PLXNB1: variants seen among roughly 807,000 people sequenced by gnomAD.
PLXNB1 encodes the protein plexin B1.
A neutral mutation model predicts 209.4 loss-of-function variants in PLXNB1; 106 were observed. The ratio of observed to expected loss-of-function variants is 0.51; its 90% CI spans 0.43 to 0.59. The LOEUF (loss-of-function observed/expected upper bound fraction) is 0.59, where lower values mean the gene tolerates loss of function less well. Ranked by LOEUF, PLXNB1 falls within the 20% of genes least tolerant of loss-of-function variation. PLXNB1 has a pLI of 0.00. For synonymous variants in PLXNB1, 1,167 were observed against 1,183.2 expected (o/e 0.99, Z 0.28); for missense variants, 2,357 against 2,853.2 (o/e 0.83, Z 3.96).
Position 48,416,137 on chromosome 3 carries a change from G to A in PLXNB1, c.3511C>T (p.Arg1171Cys), listed in dbSNP as rs566496549. The A allele has an allele frequency of 2.1e-5, 34 of 1,598,124 alleles. No homozygotes were observed. Among genetic ancestry groups the A allele is most frequent in the African/African-American group, 1.6e-4 (12 of 74,656 alleles). Residue 1171 changes from arginine (R) to cysteine (C), a missense_variant, in exon 18 of 38, where the codon CGC becomes TGC. This residue lies in a region of PLXNB1 where 743 missense variants were observed against 896.2 expected (regional missense o/e 0.83). Transcript: ENST00000296440. This position sits in a 1 kb window ranked among gnomAD's most constrained non-coding sequence, Gnocchi z 4.1. The part of the protein sequence containing the change: ...DPKVHSIFPA[R>C]GPRAGGTRLT... ...CGGGTGCCCCCAGCTCTGGGGCCGC[G>A]GGCCGGGAAGATGGAATGGACCTTC...
In PLXNB1 at chr3:48,412,003, C is replaced by T. The variant is rs770418417; in HGVS notation, c.5107G>A (p.Val1703Ile). ...ICLYTFVRDS[V>I]GEPLYMLFRG... is the part of the protein sequence containing the mutation. ...AAGAGCATGTACAGAGGCTCCCCTA[C>T]GGAGTCCTAGGAGAGCACAGGCAGT... Residue 1703 changes from valine (V) to isoleucine (I), a missense_variant, in exon 28 of 38, where the codon GTA becomes ATA. Coordinates refer to ENST00000296440, the MANE Select transcript of PLXNB1 (RefSeq NM_001130082.3). The T allele has an allele frequency of 1.9e-5, 31 of 1,613,794 alleles. No individual in the cohort carries two copies. In the East Asian group the frequency reaches 2.2e-4, roughly 12 times the overall value.
Position 48,423,495 on chromosome 3 carries a change from T to TG in PLXNB1, c.1107+9dup. On this transcript the variant is annotated intron_variant, in intron 3 of 37. Transcript: ENST00000296440. ...GAGAGGCGGAAAAGTGGGGCAATAC[T>TG]GGAACTCACCACTGGCAGCTGTGCA... The TG allele has an allele frequency of 6.2e-7, 1 of 1,607,994 alleles. No homozygotes were observed. The highest frequency in any genetic ancestry group is 8.5e-7 in the Non-Finnish European group (1 of 1,175,150).
In PLXNB1 at chr3:48,410,806, G is replaced by T; in HGVS notation, c.5416+62C>A. ...AGTGATGAGTTGTCCCTGCAGAGTT[G>T]GTCCGGGGCCAGCCCAGGCCCAACA... is the stretch of plus-strand genomic sequence containing the variant. On this transcript the variant is annotated intron_variant, in intron 29 of 37. Coordinates refer to ENST00000296440, the MANE Select transcript of PLXNB1 (RefSeq NM_001130082.3). This position sits in a 1 kb window ranked among gnomAD's most constrained non-coding sequence, Gnocchi z 6.4. The T allele has an allele frequency of 6.7e-7, 1 of 1,490,280 alleles. No individual in the cohort carries two copies. The allele number at this position is 1,490,280 out of a possible 1,614,324, so 92.3% of individuals were successfully genotyped here. A position where few individuals can be genotyped will look rare whatever the true frequency, so the allele number is the denominator to read the frequency against.
rs1436084961 is a variant in PLXNB1 at position 48,415,071 on chromosome 3, G to A, written c.3967-30C>T. 5.0e-6 allele frequency: 8 copies of A among 1,609,702 alleles called. No individual in the cohort carries two copies. Among genetic ancestry groups the A allele is most frequent in the African/African-American group, 1.3e-5 (1 of 74,878 alleles). Reference sequence around the variant, plus strand: ...AAGGAAGACAGGCAGGTTGACGAGGGGCCAAGCAAAGATGGGAAGAGCCTC... The same window carrying A: ...AAGGAAGACAGGCAGGTTGACGAGGAGCCAAGCAAAGATGGGAAGAGCCTC... On this transcript the variant is annotated intron_variant, in intron 20 of 37. Transcript: ENST00000296440. The surrounding 1 kb of genome is among the most constrained non-coding windows in gnomAD (Gnocchi z 5.0).
Position 48,405,697 on chromosome 3 carries a change from C to T in PLXNB1, c.6303+27G>A, listed in dbSNP as rs1483117948. 2 of 1,596,438 alleles carry T rather than the reference C, an allele frequency of 1.3e-6. No individual in the cohort carries two copies. Among genetic ancestry groups the T allele is most frequent in the Admixed American group, 1.7e-5 (1 of 59,782 alleles). Reference sequence around the variant, plus strand: ...CTCCTGGGAGGCCTTGGGTCAGCCTCCCAGTCGGGGTCCAGGGCCTGCCCA... The same window carrying T: ...CTCCTGGGAGGCCTTGGGTCAGCCTTCCAGTCGGGGTCCAGGGCCTGCCCA... On this transcript the variant is annotated intron_variant, in intron 37 of 37. Transcript: ENST00000296440. This position sits in a 1 kb window ranked among gnomAD's most constrained non-coding sequence, Gnocchi z 5.0.
In PLXNB1 at chr3:48,416,609, T is replaced by C. The variant is rs2038118994; in HGVS notation, c.3375-158A>G. 2 of 508,164 alleles carry C rather than the reference T, an allele frequency of 3.9e-6. No homozygotes were observed. Among genetic ancestry groups the C allele is most frequent in the Non-Finnish European group, 6.9e-6 (2 of 289,698 alleles). 31.5% of individuals were successfully genotyped at this position (508,164 alleles called of 1,614,324 possible). On this transcript the variant is annotated intron_variant, in intron 16 of 37. Transcript: ENST00000296440. This position sits in a 1 kb window ranked among gnomAD's most constrained non-coding sequence, Gnocchi z 4.1. ...CTCTCTCACTTTGGAGGGAATTCTT[T>C]ATGACACATCAGAAGGCCTTGGTAT...
At position 48,407,083 on chromosome 3, in the gene PLXNB1, C is replaced by T. The variant is rs755753973; in HGVS notation, c.6096G>A (p.Pro2032=). Residue 2032 remains proline (P), a synonymous_variant, in exon 35 of 38, where the codon CCG becomes CCA. Coordinates refer to ENST00000296440, the MANE Select transcript of PLXNB1 (RefSeq NM_001130082.3). The stretch of plus-strand genomic sequence containing the variant: ...CCCGTGCATACAGAAGTTTGTTGAT[C>T]GGGGAGTCCTGGACATAGCAGGAGG... ...LADHKLGRDS[P]INKLLYARDI... is the part of the protein sequence containing the mutation. 6.8e-6 allele frequency: 11 copies of T among 1,613,834 alleles called. No homozygotes were observed. Among genetic ancestry groups the T allele is most frequent in the Non-Finnish European group, 9.3e-6 (11 of 1,179,958 alleles).
intron 21 of PLXNB1, among the ~76,000 whole-genome samples, 190 bp downstream of exon 21, chr3:48,414,609 C>A (rs2037944708): frequency 6.6e-6 from 1 of 152,212 alleles, no homozygotes; most frequent in Non-Finnish European, 1.5e-5. Flanking sequence ...GCCAAGCAGT[C>A]CAGCTCGTGC....
rs2039106949 is a variant in PLXNB1 at position 48,429,895 on chromosome 3, T to A, written c.-60+113A>T. ...CGTCCAGAGCCGGGTAGCACCCGAG[T>A]CCCTCACCAGCCCGACCCGTTCTTC... is the stretch of plus-strand genomic sequence containing the variant. On this transcript the variant is annotated intron_variant, in intron 1 of 37. Transcript: ENST00000296440. This position sits in a 1 kb window ranked among gnomAD's most constrained non-coding sequence, Gnocchi z 6.4. The A allele has an allele frequency of 6.6e-6, 1 of 150,908 alleles. No homozygotes were observed. Among genetic ancestry groups the A allele is most frequent in the African/African-American group, 2.4e-5 (1 of 40,844 alleles). 9.3% of individuals were successfully genotyped at this position (150,908 alleles called of 1,614,324 possible). A position where few individuals can be genotyped will look rare whatever the true frequency, so the allele number is the denominator to read the frequency against.
rs1040356610 is a variant in PLXNB1, at chr3:48,405,924, C to A, written c.6229-126G>T. The A allele has an allele frequency of 8.3e-6, 6 of 725,252 alleles. No homozygotes were observed. The highest frequency in any genetic ancestry group is 1.2e-5 in the Non-Finnish European group (5 of 417,130). The allele number at this position is 725,252 out of a possible 1,614,324, so 44.9% of individuals were successfully genotyped here. On this transcript the variant is annotated intron_variant, in intron 36 of 37. Transcript: ENST00000296440. The surrounding 1 kb of genome is among the most constrained non-coding windows in gnomAD (Gnocchi z 5.0). ...TGAGAGGTAGAGAATGGGATGGGCACTACAGTGGGAAGCAGAGTCCCCTCC... is the reference window on the plus strand; with the variant it reads ...TGAGAGGTAGAGAATGGGATGGGCAATACAGTGGGAAGCAGAGTCCCCTCC...
At position 48,418,385 on chromosome 3, in the gene PLXNB1, G is replaced by A. The variant is rs777912250; in HGVS notation, c.3050-22C>T. 10 of 1,613,568 alleles carry A rather than the reference G, an allele frequency of 6.2e-6. No individual in the cohort carries two copies. The highest frequency in any genetic ancestry group is 8.5e-6 in the Non-Finnish European group (10 of 1,179,994). On this transcript the variant is annotated intron_variant, in intron 14 of 37. Coordinates refer to ENST00000296440, the MANE Select transcript of PLXNB1 (RefSeq NM_001130082.3). This position sits in a 1 kb window ranked among gnomAD's most constrained non-coding sequence, Gnocchi z 6.6. ...ACCACTGGGGGTGGCAGAGACACAC[G>A]TGAGAGGCAGGCCTGGGAGAGCCCT... is the stretch of plus-strand genomic sequence containing the variant.
At chr3:48,407,522 AG>A (rs1470395326) in intron 34 of PLXNB1, among the ~76,000 whole-genome samples, 1 of 152,188 alleles carries the variant, frequency 6.6e-6, no homozygotes, top group African/African-American at 2.4e-5. Flanking sequence ...AGGTCTGTCC[AG>A]TTTCCACCAC....
Position 48,409,441 on chromosome 3 carries a change from T to G in PLXNB1, c.5975A>C (p.Asn1992Thr), listed in dbSNP as rs771953305. The change falls in exon 34 of 38, where the codon AAC (asparagine) becomes ACC (threonine). Residue 1992 changes from asparagine (N) to threonine (T), a missense_variant. Physicochemically the swap from Asn to Thr is moderately conservative, Grantham distance 65. Around this residue, in one of 7 missense-constraint regions of PLXNB1, gnomAD observed 414 missense variants for 520.5 expected, o/e 0.80. Transcript: ENST00000296440. This position sits in a 1 kb window ranked among gnomAD's most constrained non-coding sequence, Gnocchi z 5.8. ...PLRFWINIIKNPQFVFDVQTS... is the reference protein window; with the variant it reads ...PLRFWINIIKTPQFVFDVQTS... The stretch of plus-strand genomic sequence containing the variant: ...TTGCACGTCGAACACAAACTGCGGG[T>G]TTTTTATTATATTGATCCAGAACCT... 1.2e-6 allele frequency: 2 copies of G among 1,613,938 alleles called. No individual in the cohort carries two copies. The highest frequency in any genetic ancestry group is 1.7e-5 in the Admixed American group (1 of 59,996).
intron 1 of PLXNB1, among the ~76,000 whole-genome samples, chr3:48,428,288 T>C (rs919837527): frequency 3.9e-5 from 6 of 151,968 alleles, no homozygotes. Context: ...AGACCTCACA[T>C]CCCCAACTTA....
At position 48,410,028 on chromosome 3, in the gene PLXNB1, G is replaced by C; in HGVS notation, c.5655C>G (p.His1885Gln). Reference sequence around the variant, plus strand: ...CCGGCTCATCACTTGGCTTCACCAGGTGCCAGGGCCGGATGCCCCCCTCAT... The same window carrying C: ...CCGGCTCATCACTTGGCTTCACCAGCTGCCAGGGCCGGATGCCCCCCTCAT... ...DVDEGGIRPW[H>Q]LVKPSDEPEP... Residue 1885 changes from histidine (H) to glutamine (Q), a missense_variant, in exon 32 of 38, where the codon CAC (histidine) becomes CAG (glutamine). Physicochemically the swap from His to Gln is conservative, Grantham distance 24. Transcript: ENST00000296440. This position sits in a 1 kb window ranked among gnomAD's most constrained non-coding sequence, Gnocchi z 6.4. 6.2e-7 allele frequency: 1 copy of C among 1,611,372 alleles called. No individual in the cohort carries two copies. The highest frequency in any genetic ancestry group is 8.5e-7 in the Non-Finnish European group (1 of 1,178,600).
chr3:48,423,980 A>G lies in PLXNB1; in HGVS notation c.632T>C (p.Leu211Pro). ...EETAKLAVGR[L>P]SEYSHHFVSA... ...CACGAAGTGGTGGCTGTACTCGGAGAGGCGGCCCACTGCCAGCTTGGCTGT... is the reference window on the plus strand; with the variant it reads ...CACGAAGTGGTGGCTGTACTCGGAGGGGCGGCCCACTGCCAGCTTGGCTGT... Residue 211 changes from leucine (L) to proline (P), a missense_variant, in exon 3 of 38, where the codon CTC (leucine) becomes CCC (proline). Leu to Pro is a moderately conservative substitution (Grantham distance 98). Coordinates refer to ENST00000296440, the MANE Select transcript of PLXNB1 (RefSeq NM_001130082.3). 6.2e-7 allele frequency: 1 copy of G among 1,613,640 alleles called. No individual in the cohort carries two copies.
chr3:48,407,363 T>A (rs1317990174), intron 34 of PLXNB1, among the ~76,000 whole-genome samples: 2 of 152,092 alleles, frequency 1.3e-5, no homozygotes, highest in Non-Finnish European at 2.9e-5. Context: ...TGCCACCATC[T>A]AGATCCAGCA....
Position 48,414,041 on chromosome 3 carries a change from C to G in PLXNB1, c.4240G>C (p.Glu1414Gln). The change falls in exon 22 of 38, where the codon GAG becomes CAG. Residue 1414 changes from glutamate to glutamine, a missense_variant. This residue lies in a region of PLXNB1 where 743 missense variants were observed against 896.2 expected (regional missense o/e 0.83). Coordinates refer to ENST00000296440, the MANE Select transcript of PLXNB1 (RefSeq NM_001130082.3). ...TCCCCTATCATAGCCACCACCTCCT[C>G]CTTGGACATTGCAAGGTCCAGGTTC... ...GENLDLAMSK[E>Q]EVVAMIGDGP... is the part of the protein sequence containing the mutation. 1 of 1,613,954 alleles carries G rather than the reference C, an allele frequency of 6.2e-7. No homozygotes were observed. Among genetic ancestry groups the G allele is most frequent in the Non-Finnish European group, 8.5e-7 (1 of 1,179,948 alleles).
At chr3:48,408,002 C>A (rs944720580) in intron 34 of PLXNB1, among the ~76,000 whole-genome samples, 11 of 152,114 alleles carry the variant, frequency 7.2e-5, no homozygotes, top group African/African-American at 2.4e-4. Flanking sequence ...TTGGACAGAA[C>A]TTTCCGTTTT....
Sources: allele counts gnomAD v4.1 joint callset (sites outside exome capture counted in the v4.1 genomes callset), GRCh38; gene constraint gnomAD v4.1.1; regional missense constraint gnomAD v4.1.1; non-coding constraint Gnocchi (gnomAD v3.1); transcripts MANE v1.5; gene names NCBI Gene and HGNC (gene_info 2026-07-23, HGNC 2026-07-21).